The following FGD4 variants were observed in gnomAD, a reference collection of about 807,000 sequenced individuals.
FGD4 encodes the protein FYVE, RhoGEF and PH domain containing 4.
Under a neutral mutation model 102.0 loss-of-function variants are expected in FGD4, and 42 were observed. The ratio of observed to expected loss-of-function variants is 0.41; its 90% CI spans 0.32 to 0.53. The LOEUF (loss-of-function observed/expected upper bound fraction) is 0.53, where lower values mean the gene tolerates loss of function less well. Among genes scored for constraint, FGD4 ranks in the 20% least tolerant of loss-of-function variants. The pLI is 0.21. For synonymous variants in FGD4, 380 were observed against 375.7 expected (o/e 1.01, Z -0.13); for missense variants, 902 against 1,078.2 (o/e 0.84, Z 2.29).
Position 32,640,874 on chromosome 12 carries a change from T to C in FGD4, c.*341T>C. On this transcript the variant is annotated 3_prime_UTR_variant, in exon 17 of 17. Coordinates refer to ENST00000534526, the MANE Select transcript of FGD4 (RefSeq NM_001370298.3). Reference sequence around the variant, plus strand: ...TAAGAAATCCTTTCATGTCTTCTTCTCTTTCACATGTAGGACCTGGAACAG... The same window carrying C: ...TAAGAAATCCTTTCATGTCTTCTTCCCTTTCACATGTAGGACCTGGAACAG... 1.9e-6 allele frequency: 1 copy of C among 533,188 alleles called. No individual in the cohort carries two copies. 33.0% of individuals were successfully genotyped at this position (533,188 alleles called of 1,614,324 possible). A position where few individuals can be genotyped will look rare whatever the true frequency, so the allele number is the denominator to read the frequency against.
rs572000443 is a variant in FGD4, at chr12:32,604,458, T to C, written c.1404+2141T>C. ...CCCAATCTTTGTTCTATTATTCAGA[T>C]TGTATAATTTCTACTAGTCTTTCTT... On this transcript the variant is annotated intron_variant, in intron 7 of 16. Coordinates refer to ENST00000534526, the MANE Select transcript of FGD4 (RefSeq NM_001370298.3). Among the ~76,000 whole-genome samples, 3 of 152,306 alleles carry C rather than the reference T, an allele frequency of 2.0e-5. No individual in the cohort carries two copies. The East Asian group carries it at 5.8e-4, about 29-fold the overall frequency.
At chr12:32,560,519 G>T (rs528794429) in intron 1 of FGD4, among the ~76,000 whole-genome samples, 1 of 152,170 alleles carries the variant, frequency 6.6e-6, no homozygotes, top group Non-Finnish European at 1.5e-5. Context: ...GCCTCGCAAA[G>T]TGTTGAGATT....
intron 4 of FGD4, among the ~76,000 whole-genome samples, chr12:32,584,440 C>G (rs1358707955): frequency 6.6e-6 from 1 of 152,084 alleles, no homozygotes; most frequent in Non-Finnish European, 1.5e-5. Context: ...ATATAGTGGA[C>G]CACACAATTA....
At chr12:32,453,082 T>C (rs1942826129) in intron 1 of FGD4, among the ~76,000 whole-genome samples, 1 of 150,842 alleles carries the variant, frequency 6.6e-6, no homozygotes, top group Non-Finnish European at 1.5e-5. Context: ...ATGACCCCCA[T>C]TTACCCATCA....
At chr12:32,413,344 T>C (rs1941283458) in intron 1 of FGD4, among the ~76,000 whole-genome samples, 1 of 152,214 alleles carries the variant, frequency 6.6e-6, no homozygotes, top group Non-Finnish European at 1.5e-5. Flanking sequence ...CTTCGTTTAC[T>C]CTGCAGAAAG....
At chr12:32,462,775 T>G (rs988162270) in intron 1 of FGD4, among the ~76,000 whole-genome samples, 1 of 152,224 alleles carries the variant, frequency 6.6e-6, no homozygotes, top group Admixed American at 6.5e-5. Context: ...GATTAGACCT[T>G]GATGCTTAAA....
rs912220202 is a variant in FGD4 at position 32,584,597 on chromosome 12, T to C, written c.1011+2130T>C. Among the ~76,000 whole-genome samples the C allele has an allele frequency of 1.7e-3, 246 of 147,980 alleles. 1 individual carries two copies. The highest frequency in any genetic ancestry group is 6.1e-3 in the African/African-American group (237 of 38,626). On this transcript the variant is annotated intron_variant, in intron 4 of 16. Transcript: ENST00000534526. The stretch of plus-strand genomic sequence containing the variant: ...CTATCTTCATGTTGTAACCCCCCCC[T>C]CCCAAAAAAAAAGAAAAATCTTAAG...
intron 3 of FGD4, among the ~76,000 whole-genome samples, chr12:32,577,694 C>A (rs1186587125): frequency 6.6e-6 from 1 of 152,154 alleles, no homozygotes; most frequent in Non-Finnish European, 1.5e-5. Flanking sequence ...TTTATAGGAC[C>A]TTTGCTATCT....
At chr12:32,400,145 G>T (rs192563226) in intron 1 of FGD4, among the ~76,000 whole-genome samples, 186 bp downstream of exon 1, 1 of 152,356 alleles carries the variant, frequency 6.6e-6, no homozygotes, top group East Asian at 1.9e-4. Flanking sequence ...TCCCCCAGAG[G>T]ACCTTGGGCA....
intron 1 of FGD4, among the ~76,000 whole-genome samples, chr12:32,547,589 G>C (rs1054428134): frequency 6.6e-6 from 1 of 152,222 alleles, no homozygotes; most frequent in Non-Finnish European, 1.5e-5. Context: ...CACAATGTGT[G>C]CTTGCCTCAC....
intron 11 of FGD4, among the ~76,000 whole-genome samples, chr12:32,622,448 CG>C (rs1393426759): frequency 1.6e-4 from 24 of 152,140 alleles, no homozygotes; most frequent in African/African-American, 5.3e-4. Context: ...ATATCCAACA[CG>C]GTACTGGATA....
chr12:32,505,992 G>T (rs1388071357), intron 1 of FGD4, among the ~76,000 whole-genome samples: 1 of 152,142 alleles, frequency 6.6e-6, no homozygotes, highest in Admixed American at 6.5e-5. Flanking sequence ...ATCTAAACAG[G>T]ATTGTCTGCT....
intron 14 of FGD4, among the ~76,000 whole-genome samples, chr12:32,630,349 G>A (rs1447647283): frequency 1.3e-5 from 2 of 152,092 alleles, no homozygotes; most frequent in African/African-American, 4.8e-5. Context: ...ATTTCGTTAT[G>A]ACTGTTTACA....
intron 1 of FGD4, among the ~76,000 whole-genome samples, chr12:32,482,467 G>C (rs1484344379): frequency 1.3e-5 from 2 of 152,220 alleles, no homozygotes; most frequent in Admixed American, 1.3e-4. Flanking sequence ...AAGTGACCTT[G>C]AGGAAGTTAC....
intron 1 of FGD4, among the ~76,000 whole-genome samples, chr12:32,518,297 G>A (rs957077568): frequency 1.3e-5 from 2 of 152,128 alleles, no homozygotes; most frequent in African/African-American, 2.4e-5. Flanking sequence ...TGACCAACAC[G>A]GAGAAACCCC....
At chr12:32,498,484 G>A (rs1300972004) in intron 1 of FGD4, among the ~76,000 whole-genome samples, 2 of 152,164 alleles carry the variant, frequency 1.3e-5, no homozygotes, top group Non-Finnish European at 2.9e-5. Flanking sequence ...CATCCCATTA[G>A]TAAGTAGTGG....
intron 10 of FGD4, among the ~76,000 whole-genome samples, chr12:32,617,828 T>TGAC (rs1565912005): frequency 6.6e-6 from 1 of 152,256 alleles, no homozygotes; most frequent in African/African-American, 2.4e-5. Flanking sequence ...TTTCTTCCTA[T>TGAC]ATATGACATA....
chr12:32,638,905 T>G (rs1338795139), intron 16 of FGD4, 110 bp downstream of exon 16: 1 of 1,552,240 alleles, frequency 6.4e-7, no homozygotes, highest in East Asian at 2.3e-5. Context: ...GTTTCACTGT[T>G]TCATTAAAAT....
At chr12:32,484,493 A>T (rs1025850788) in intron 1 of FGD4, among the ~76,000 whole-genome samples, 3 of 152,320 alleles carry the variant, frequency 2.0e-5, no homozygotes, top group East Asian at 3.9e-4. Flanking sequence ...GAAAAGGGAC[A>T]TTTGTGTTAT....
Sources: gnomAD v4.1 joint callset for allele counts (sites outside exome capture counted in the v4.1 genomes callset) on GRCh38, gnomAD v4.1.1 for gene constraint, MANE v1.5 for transcripts, NCBI Gene and HGNC (gene_info 2026-07-23, HGNC 2026-07-21) for gene names.